ARSD: variants seen among roughly 807,000 people sequenced by gnomAD.
ARSD encodes testis tissue sperm-binding protein Li 39a.
ARSD carries 21 observed loss-of-function variants against 32.6 expected under a neutral mutation model. That is an observed-to-expected ratio of 0.64 (90% CI 0.46 to 0.93). The LOEUF (loss-of-function observed/expected upper bound fraction) is 0.93, where lower values mean the gene tolerates loss of function less well. Among genes scored for constraint, ARSD ranks in the 40% least tolerant of loss-of-function variants. The pLI is 0.00. For missense variants in ARSD, 454 were observed against 520.9 expected (o/e 0.87, Z 1.25); for synonymous variants, 224 against 237.4 (o/e 0.94, Z 0.52).
intron 5 of ARSD, among the ~76,000 whole-genome samples, chrX:2,916,420 C>T (rs759390354): frequency 9.1e-6 from 1 of 110,464 alleles, no homozygotes; most frequent in African/African-American, 3.3e-5. Flanking sequence ...ATTGCCTGAG[C>T]CTTGGAGACA....
intron 6 of ARSD, among the ~76,000 whole-genome samples, chrX:2,911,633 G>A (rs1228791070): frequency 1.0e-5 from 1 of 96,919 alleles, no homozygotes; most frequent in Non-Finnish European, 2.0e-5. Flanking sequence ...TCGCACCACT[G>A]CACTCCAGCC....
chrX:2,923,474 CAAAAT>C (rs1700129674), intron 2 of ARSD, among the ~76,000 whole-genome samples: 1 of 111,362 alleles, frequency 9.0e-6, no homozygotes, highest in Non-Finnish European at 1.9e-5. Context: ...AAAAACAAAA[CAAAAT>C]AAAACAGAAA....
intron 5 of ARSD, 27 bp from the exon 6 acceptor site, chrX:2,915,719 T>C (rs369149325): frequency 3.3e-6 from 4 of 1,194,994 alleles, no homozygotes; most frequent in Non-Finnish European, 4.5e-6. Flanking sequence ...TCCTTGAGAA[T>C]ACACAGAATA....
intron 1 of ARSD, among the ~76,000 whole-genome samples, chrX:2,927,216 A>C (rs1234212425): frequency 1.9e-5 from 2 of 103,472 alleles, no homozygotes; most frequent in Non-Finnish European, 3.9e-5. Context: ...CTAGAAGTAA[A>C]TTGAAAGGAA....
At chrX:2,910,852 A>G (rs2147308807) in intron 6 of ARSD, 59 bp from the exon 7 acceptor site, 2 of 1,153,136 alleles carry the variant, frequency 1.7e-6, no homozygotes, top group Admixed American at 2.4e-5. Flanking sequence ...CACTAGTTCA[A>G]TGCGCTTCTT....
chrX:2,925,863 C>T, intron 1 of ARSD, 98 bp from the exon 2 acceptor site: 3 of 866,805 alleles, frequency 3.5e-6, no homozygotes, highest in Non-Finnish European at 4.9e-6. Flanking sequence ...GGTCTTACCA[C>T]TAAATTAAGA....
chrX:2,920,805 G>C, intron 3 of ARSD, 82 bp from the exon 4 acceptor site: 1 of 1,135,030 alleles, frequency 8.8e-7, no homozygotes, highest in East Asian at 3.0e-5. Context: ...TGGTGTCTGA[G>C]ATCTGGATTT....
intron 5 of ARSD, 25 bp from the exon 6 acceptor site, chrX:2,915,717 A>T (rs1190710906): frequency 8.4e-7 from 1 of 1,194,030 alleles, no homozygotes; most frequent in East Asian, 3.0e-5. Flanking sequence ...CTTCCTTGAG[A>T]ATACACAGAA....
chrX:2,910,699 A>G lies in ARSD; in HGVS notation c.1095T>C (p.Asp365=). 1.7e-6 allele frequency: 2 copies of G among 1,212,059 alleles called. No homozygotes were observed. The highest frequency in any genetic ancestry group is 2.2e-6 in the Non-Finnish European group (2 of 895,533). The part of the protein sequence containing the change: ...SDHGGHLEAR[D]GHSQLGGWNG... ...TCCATCCCCCTAACTGGCTGTGTCC[A>G]TCTCTTGCCTCTAAATGTCCTCCAT... The change falls in exon 7 of 10, where the codon GAT becomes GAC. Residue 365 remains aspartate (D), a synonymous_variant. Coordinates refer to ENST00000381154, the MANE Select transcript of ARSD (RefSeq NM_001669.4).
chrX:2,911,455 G>A (rs1350046759), intron 6 of ARSD, among the ~76,000 whole-genome samples: 1 of 109,009 alleles, frequency 9.2e-6, no homozygotes, highest in Non-Finnish European at 1.9e-5. Context: ...TGGATTACGA[G>A]GTCAGGAGAT....
At position 2,905,140 on chromosome X, in the gene ARSD, C is replaced by T. The variant is rs1038077622; in HGVS notation, c.*2131G>A. ...TAGCAGGGCTGTGATGATTCTTCTA[C>T]CTATGACTCTCAGTGCTGTTGCCTC... is the stretch of plus-strand genomic sequence containing the variant. On this transcript the variant is annotated 3_prime_UTR_variant, in exon 10 of 10. Coordinates refer to ENST00000381154, the MANE Select transcript of ARSD (RefSeq NM_001669.4). The T allele has an allele frequency of 2.2e-5, 7 of 325,053 alleles. No homozygotes were observed. Among genetic ancestry groups the T allele is most frequent in the African/African-American group, 1.9e-4 (7 of 36,766 alleles). 26.8% of individuals were successfully genotyped at this position (325,053 alleles called of 1,213,427 possible).
chrX:2,912,455 C>G lies in ARSD; in HGVS notation c.1001-1662G>C, dbSNP rs1249480130. On this transcript the variant is annotated intron_variant, in intron 6 of 9. Coordinates refer to ENST00000381154, the MANE Select transcript of ARSD (RefSeq NM_001669.4). ...CGTATGTCTCCCTAAATGTATAAAG[C>G]TGAGCTGCATGCCGACCACCTTGAG... Among the ~76,000 whole-genome samples the G allele has an allele frequency of 4.5e-5, 5 of 111,497 alleles. No individual in the cohort carries two copies. The East Asian group carries it at 1.4e-3, about 31-fold the overall frequency.
intron 9 of ARSD, among the ~76,000 whole-genome samples, chrX:2,908,389 A>G (rs930698732): frequency 2.7e-5 from 3 of 109,700 alleles, no homozygotes; most frequent in Non-Finnish European, 5.7e-5. Context: ...ATATCTATCC[A>G]TCATCTATCC....
rs375171598 is a variant in ARSD at position 2,914,432 on chromosome X, G to A, written c.1000+1124C>T. 1.8e-3 allele frequency: 796 copies of A among 446,408 alleles called. 6 individuals are homozygous for A. In the African/African-American group the frequency reaches 0.021, roughly 12 times the overall value. The allele number at this position is 446,408 out of a possible 1,213,427, so 36.8% of individuals were successfully genotyped here. A position where few individuals can be genotyped will look rare whatever the true frequency, so the allele number is the denominator to read the frequency against. ...TTTTGTAGAGATGGGGGGGGGGGGC[G>A]TCTCACTATGTTGCCCAGGCTGGTC... On this transcript the variant is annotated intron_variant, in intron 6 of 9. Transcript: ENST00000381154.
At chrX:2,928,935 C>T (rs1181394370) in intron 1 of ARSD, among the ~76,000 whole-genome samples, 1 of 112,347 alleles carries the variant, frequency 8.9e-6, no homozygotes, top group Admixed American at 9.3e-5. Context: ...TCCGCCCTCC[C>T]TTCCCTTCCT....
At chrX:2,912,149 A>G (rs1448013514) in intron 6 of ARSD, among the ~76,000 whole-genome samples, 1 of 111,799 alleles carries the variant, frequency 8.9e-6, no homozygotes, top group Non-Finnish European at 1.9e-5. Context: ...AAAAAGAAAA[A>G]AAAGACTGAT....
intron 6 of ARSD, chrX:2,913,881 G>A (rs12388793): frequency 0.014 from 5,147 of 361,759 alleles, 239 homozygotes; most frequent in African/African-American, 0.13. Context: ...TTGGTGCTGC[G>A]GAGGGAGTAG....
chrX:2,915,490 C>A, intron 6 of ARSD, 66 bp downstream of exon 6: 1 of 1,187,457 alleles, frequency 8.4e-7, no homozygotes, highest in South Asian at 1.8e-5. Flanking sequence ...GATGGCCAGT[C>A]TGTTACGCCC....
At chrX:2,923,988 C>T (rs1439511163) in intron 2 of ARSD, among the ~76,000 whole-genome samples, 1 of 112,452 alleles carries the variant, frequency 8.9e-6, no homozygotes, top group Non-Finnish European at 1.9e-5. Context: ...ACAACCAGGC[C>T]TGCTCAGGGT....
Sources: allele counts gnomAD v4.1 joint callset (sites outside exome capture counted in the v4.1 genomes callset), GRCh38; gene constraint gnomAD v4.1.1; transcripts MANE v1.5; gene names NCBI Gene and HGNC (gene_info 2026-07-23, HGNC 2026-07-21).